GALNT13: variants seen among roughly 807,000 people sequenced by gnomAD.
The protein encoded by GALNT13 is polypeptide N-acetylgalactosaminyltransferase 13, also known as UDP-GalNAc:polypeptide N-acetylgalactosaminyltransferase 13.
A neutral mutation model predicts 64.2 loss-of-function variants in GALNT13; 28 were observed. The ratio of observed to expected loss-of-function variants is 0.44; its 90% CI spans 0.32 to 0.60. The LOEUF (loss-of-function observed/expected upper bound fraction) is 0.60, where lower values mean the gene tolerates loss of function less well. Among genes scored for constraint, GALNT13 ranks in the 20% least tolerant of loss-of-function variants. The probability of loss-of-function intolerance (pLI) is 0.05; values close to 1 mark genes in which losing one functional copy is unlikely to be tolerated. For missense variants in GALNT13, 577 were observed against 669.8 expected (o/e 0.86, Z 1.53); for synonymous variants, 214 against 224.6 (o/e 0.95, Z 0.42).
chr2:154,029,188 C>CAA (rs10551254), intron 3 of GALNT13, among the ~76,000 whole-genome samples: 287 of 134,306 alleles, frequency 2.1e-3, no homozygotes, highest in Middle Eastern at 0.016. Context: ...TTTTGTAAAT[C>CAA]AAAAAAAAAA....
the GALNT13 span, among the ~76,000 whole-genome samples, chr2:153,677,779 G>A: frequency 1.1e-4 from 17 of 152,062 alleles, no homozygotes; most frequent in South Asian, 3.5e-3. Flanking sequence ...CAAACAATGG[G>A]GAAAGGACTT....
chr2:153,409,320 A>G, the GALNT13 span, among the ~76,000 whole-genome samples: 2 of 147,210 alleles, frequency 1.4e-5, no homozygotes, highest in South Asian at 2.2e-4. Flanking sequence ...ATGAATATGT[A>G]TATATTCATA....
the GALNT13 span, among the ~76,000 whole-genome samples, chr2:153,360,956 C>T: frequency 1.3e-5 from 2 of 152,162 alleles, no homozygotes. Context: ...ACACCCTATA[C>T]AGGAGCACTC....
chr2:154,018,728 G>A (rs142069454), intron 3 of GALNT13, among the ~76,000 whole-genome samples: 1 of 151,562 alleles, frequency 6.6e-6, no homozygotes, highest in African/African-American at 2.4e-5. Flanking sequence ...GAGGCAGAGA[G>A]AATGATGAAG....
intron 1 of GALNT13, among the ~76,000 whole-genome samples, chr2:153,882,067 C>G (rs976113094): frequency 4.6e-5 from 7 of 151,804 alleles, no homozygotes; most frequent in African/African-American, 1.2e-4. Flanking sequence ...TTTATCTAAA[C>G]TATCTCCTGA....
chr2:153,887,583 T>A (rs1687269865), intron 1 of GALNT13, among the ~76,000 whole-genome samples: 1 of 151,834 alleles, frequency 6.6e-6, no homozygotes, highest in Non-Finnish European at 1.5e-5. Flanking sequence ...ATGATAAATA[T>A]TATGATATTA....
chr2:153,588,402 T>G, the GALNT13 span, among the ~76,000 whole-genome samples: 1 of 152,200 alleles, frequency 6.6e-6, no homozygotes, highest in South Asian at 2.1e-4. Flanking sequence ...TCCATACATC[T>G]TCTGAAATCC....
At chr2:153,219,733 C>A in the GALNT13 span, among the ~76,000 whole-genome samples, 1 of 152,108 alleles carries the variant, frequency 6.6e-6, no homozygotes, top group Non-Finnish European at 1.5e-5. Flanking sequence ...TCATCTGAAC[C>A]TTTTTAGCTG....
At chr2:154,153,951 A>G (rs1284363268) in intron 4 of GALNT13, among the ~76,000 whole-genome samples, 1 of 152,090 alleles carries the variant, frequency 6.6e-6, no homozygotes, top group East Asian at 1.9e-4. Flanking sequence ...TCCTGCGTCC[A>G]TTGTCTGGCA....
chr2:153,074,190 T>G, the GALNT13 span, among the ~76,000 whole-genome samples: 2 of 152,176 alleles, frequency 1.3e-5, no homozygotes. Context: ...CATTCCTTAT[T>G]TATTTGCTAG....
chr2:153,838,549 A>G, the GALNT13 span, among the ~76,000 whole-genome samples: 3 of 151,840 alleles, frequency 2.0e-5, no homozygotes, highest in South Asian at 4.1e-4. Context: ...TGATGCCTTC[A>G]TTGAAGATTA....
intron 4 of GALNT13, among the ~76,000 whole-genome samples, chr2:154,162,616 A>T (rs1333575812): frequency 6.6e-6 from 1 of 152,212 alleles, no homozygotes; most frequent in African/African-American, 2.4e-5. Flanking sequence ...TTCCTAAAGA[A>T]GTATATTAGT....
At chr2:154,014,833 G>T (rs1213419971) in intron 3 of GALNT13, among the ~76,000 whole-genome samples, 1 of 151,316 alleles carries the variant, frequency 6.6e-6, no homozygotes, top group Non-Finnish European at 1.5e-5. Context: ...GGGTTTCACT[G>T]TGTTAGCCAG....
intron 1 of GALNT13, among the ~76,000 whole-genome samples, chr2:153,879,316 A>G (rs1686607071): frequency 6.6e-6 from 1 of 151,986 alleles, no homozygotes; most frequent in Non-Finnish European, 1.5e-5. Flanking sequence ...GTGGAAGGGC[A>G]AGGATGATGT....
At chr2:153,720,355 T>C in the GALNT13 span, among the ~76,000 whole-genome samples, 1 of 149,370 alleles carries the variant, frequency 6.7e-6, no homozygotes, top group Non-Finnish European at 1.5e-5. Context: ...ACCACAAAGA[T>C]GGGGAAAAAA....
At chr2:153,510,337 C>G in the GALNT13 span, among the ~76,000 whole-genome samples, 1 of 152,252 alleles carries the variant, frequency 6.6e-6, no homozygotes, top group East Asian at 1.9e-4. Flanking sequence ...TCCACATAAG[C>G]TACGGCCAGA....
chr2:153,722,890 T>A, the GALNT13 span, among the ~76,000 whole-genome samples: 1 of 151,124 alleles, frequency 6.6e-6, no homozygotes, highest in Admixed American at 6.6e-5. Flanking sequence ...GAGGAAATGG[T>A]ACCATTCCTT....
At chr2:153,368,301 G>A in the GALNT13 span, among the ~76,000 whole-genome samples, 1 of 152,124 alleles carries the variant, frequency 6.6e-6, no homozygotes, top group Admixed American at 6.6e-5. Flanking sequence ...GTAAGAAGAG[G>A]AGGAGGCACC....
the GALNT13 span, among the ~76,000 whole-genome samples, chr2:153,201,529 A>C: frequency 6.6e-6 from 1 of 152,192 alleles, no homozygotes; most frequent in Non-Finnish European, 1.5e-5. Context: ...GATTCTATGC[A>C]AAAACTTCTT....
Sources: gnomAD v4.1 joint callset for allele counts (sites outside exome capture counted in the v4.1 genomes callset) on GRCh38, gnomAD v4.1.1 for gene constraint, MANE v1.5 for transcripts, NCBI Gene and HGNC (gene_info 2026-07-23, HGNC 2026-07-21) for gene names.